Variants in TAOK1 observed in about 807,000 individuals in gnomAD.
TAOK1 encodes serine/threonine-protein kinase TAO1.
Under a neutral mutation model 138.3 loss-of-function variants are expected in TAOK1, and 21 were observed. The ratio of observed to expected loss-of-function variants is 0.15; its 90% CI spans 0.11 to 0.22. The LOEUF (loss-of-function observed/expected upper bound fraction) is 0.22. Among genes scored for constraint, TAOK1 ranks in the 10% least tolerant of loss-of-function variants. The probability of loss-of-function intolerance (pLI) is 1.00; values close to 1 mark genes in which losing one functional copy is unlikely to be tolerated. For synonymous variants in TAOK1, 361 were observed against 398.4 expected (o/e 0.91, Z 1.12); for missense variants, 651 against 1,227.7 (o/e 0.53, Z 7.02).
chr17:29,539,824 G>A (rs958417827), intron 19 of TAOK1, among the ~76,000 whole-genome samples: 3 of 152,082 alleles, frequency 2.0e-5, no homozygotes, highest in Admixed American at 6.6e-5. Context: ...AGGTTGCAGC[G>A]AGCCACGATC....
intron 1 of TAOK1, among the ~76,000 whole-genome samples, chr17:29,408,082 A>G (rs1905042570): frequency 6.6e-6 from 1 of 152,028 alleles, no homozygotes; most frequent in Non-Finnish European, 1.5e-5. Context: ...CAGGATACAG[A>G]AATGAGTCAG....
chr17:29,465,128 ATTTTTT>A (rs57794003), intron 2 of TAOK1, among the ~76,000 whole-genome samples: 2 of 63,100 alleles, frequency 3.2e-5, no homozygotes, highest in African/African-American at 6.8e-5. Flanking sequence ...GTCTTATTTA[ATTTTTT>A]TTTTTTTTTT....
chr17:29,432,064 G>T (rs942158608), intron 1 of TAOK1, among the ~76,000 whole-genome samples: 3 of 152,178 alleles, frequency 2.0e-5, no homozygotes, highest in Non-Finnish European at 4.4e-5. Flanking sequence ...AGCGTTGCTA[G>T]AGGAATTAAA....
At chr17:29,509,912 C>T (rs745874960) in intron 14 of TAOK1, among the ~76,000 whole-genome samples, 1 of 151,224 alleles carries the variant, frequency 6.6e-6, no homozygotes, top group Admixed American at 6.6e-5. Context: ...GAGACAGGCA[C>T]TCGCCCTGTT....
chr17:29,434,555 C>G (rs1598479919), intron 1 of TAOK1, among the ~76,000 whole-genome samples: 1 of 152,184 alleles, frequency 6.6e-6, no homozygotes, highest in South Asian at 2.1e-4. Context: ...TGGCAGGTGC[C>G]ACCATGAGTA....
At chr17:29,443,077 A>G (rs1489147322) in intron 1 of TAOK1, among the ~76,000 whole-genome samples, 1 of 152,142 alleles carries the variant, frequency 6.6e-6, no homozygotes, top group Non-Finnish European at 1.5e-5. Context: ...GTAAAGAAGC[A>G]ATTTTCTTTC....
chr17:29,515,663 G>A (rs138208082), intron 15 of TAOK1, among the ~76,000 whole-genome samples: 42 of 151,930 alleles, frequency 2.8e-4, no homozygotes, highest in African/African-American at 8.4e-4. Flanking sequence ...GTGAAATCTC[G>A]TCTCTACTAA....
At chr17:29,497,107 G>A (rs923381112) in intron 11 of TAOK1, among the ~76,000 whole-genome samples, 1 of 152,028 alleles carries the variant, frequency 6.6e-6, no homozygotes, top group South Asian at 2.1e-4. Flanking sequence ...TATATTATGT[G>A]TAAAGCTATT....
intron 14 of TAOK1, among the ~76,000 whole-genome samples, chr17:29,510,166 C>T (rs1410445246): frequency 6.6e-6 from 1 of 152,056 alleles, no homozygotes; most frequent in Non-Finnish European, 1.5e-5. Context: ...CACCTGAGCT[C>T]AGGAGTTCAA....
chr17:29,479,680 TC>T (rs1299758919), intron 6 of TAOK1, among the ~76,000 whole-genome samples: 5 of 152,192 alleles, frequency 3.3e-5, no homozygotes, highest in Non-Finnish European at 7.4e-5. Context: ...GCTTGGAAAT[TC>T]AGCACTTTAA....
intron 1 of TAOK1, among the ~76,000 whole-genome samples, chr17:29,412,590 T>C (rs1319462214): frequency 6.6e-6 from 1 of 152,212 alleles, no homozygotes; most frequent in Non-Finnish European, 1.5e-5. Context: ...TTAATTGTCT[T>C]AGCTTTTACT....
At chr17:29,418,419 G>T (rs1313352841) in intron 1 of TAOK1, among the ~76,000 whole-genome samples, 2 of 151,078 alleles carry the variant, frequency 1.3e-5, no homozygotes, top group African/African-American at 2.4e-5. Flanking sequence ...TACCCAAGCT[G>T]GTCTCCAACT....
intron 17 of TAOK1, among the ~76,000 whole-genome samples, chr17:29,523,506 G>T (rs1467231319): frequency 6.6e-6 from 1 of 152,122 alleles, no homozygotes; most frequent in African/African-American, 2.4e-5. Context: ...TCCTGCCTCA[G>T]CCTCCCTAGT....
chr17:29,511,057 A>C lies in TAOK1; in HGVS notation c.1704+65A>C, dbSNP rs1043136087. On this transcript the variant is annotated intron_variant, in intron 15 of 19. Transcript: ENST00000261716. ...TATTAATTATATCCAATGGTGACCA[A>C]CTCATAGAAGCATTAGGATAAAATT... is the stretch of plus-strand genomic sequence containing the variant. 7.0e-6 allele frequency: 10 copies of C among 1,436,302 alleles called. No homozygotes were observed. The African/African-American group carries it at 1.1e-4, about 17-fold the overall frequency. 89.0% of individuals were successfully genotyped at this position (1,436,302 alleles called of 1,614,324 possible).
At chr17:29,403,352 A>G (rs914254630) in intron 1 of TAOK1, among the ~76,000 whole-genome samples, 8 of 152,022 alleles carry the variant, frequency 5.3e-5, no homozygotes, top group African/African-American at 1.9e-4. Context: ...AGGTTGATGA[A>G]CAGCATTACT....
At chr17:29,539,381 CA>C (rs2032277778) in intron 19 of TAOK1, among the ~76,000 whole-genome samples, 2 of 152,156 alleles carry the variant, frequency 1.3e-5, no homozygotes, top group South Asian at 4.1e-4. Flanking sequence ...TCCTCTCTAC[CA>C]AAAATACAAA....
intron 1 of TAOK1, among the ~76,000 whole-genome samples, chr17:29,402,361 G>A (rs890774629): frequency 6.6e-6 from 1 of 152,088 alleles, no homozygotes; most frequent in Non-Finnish European, 1.5e-5. Flanking sequence ...GAGTCCAGTG[G>A]CACACAATGA....
At chr17:29,513,961 A>T (rs373630620) in intron 15 of TAOK1, 11 of 151,950 alleles carry the variant, frequency 7.2e-5, no homozygotes, top group African/African-American at 2.7e-4. Context: ...AAATTAAAAA[A>T]AATAAAAAAT....
At chr17:29,486,975 G>A (rs2031185217) in intron 8 of TAOK1, among the ~76,000 whole-genome samples, 1 of 151,858 alleles carries the variant, frequency 6.6e-6, no homozygotes, top group Admixed American at 6.6e-5. Context: ...AGGGCCAGTT[G>A]CTGTGGCTCA....
Sources: gnomAD v4.1 joint callset for allele counts (sites outside exome capture counted in the v4.1 genomes callset) on GRCh38, gnomAD v4.1.1 for gene constraint, MANE v1.5 for transcripts, NCBI Gene and HGNC (gene_info 2026-07-23, HGNC 2026-07-21) for gene names.